Variants in INTS1 observed in about 807,000 individuals in gnomAD.
The protein encoded by INTS1 is integrator complex subunit 1.
Under a neutral mutation model 241.6 loss-of-function variants are expected in INTS1, and 137 were observed. The ratio of observed to expected loss-of-function variants is 0.57; its 90% CI spans 0.49 to 0.65. The LOEUF is 0.65. INTS1 is among the 30% of genes least tolerant of loss of function. The probability of loss-of-function intolerance (pLI) is 0.00; values close to 1 mark genes in which losing one functional copy is unlikely to be tolerated. For synonymous variants in INTS1, 1,692 were observed against 1,337.8 expected, an observed-to-expected ratio of 1.26 and a Z score of -5.78; for missense variants, 3,073 against 3,032.2, an observed-to-expected ratio of 1.01 and a Z score of -0.32.
Position 1,493,210 on chromosome 7 carries a change from G to T in INTS1, c.2069-104C>A. ...TCGGGCCGCGTCGGGGTGGGGTGGG[G>T]GATGCCGCAGGGTGGGGCGCAGGCC... On this transcript the variant is annotated intron_variant, in intron 15 of 47. Transcript: ENST00000404767. This position sits in a 1 kb window ranked among gnomAD's most constrained non-coding sequence, Gnocchi z 5.3. 1.2e-6 allele frequency: 1 copy of T among 819,654 alleles called. No individual in the cohort carries two copies. The highest frequency in any genetic ancestry group is 2.0e-6 in the Non-Finnish European group (1 of 502,210). The allele number at this position is 819,654 out of a possible 1,614,324, so 50.8% of individuals were successfully genotyped here.
intron 17 of INTS1, 26 bp downstream of exon 17, chr7:1,489,565 G>A (rs4425657): frequency 0.38 from 579,713 of 1,545,804 alleles, 113,066 homozygotes; most frequent in East Asian, 0.73. Flanking sequence ...CCACGTGTGC[G>A]CATGGGGCGG....
At chr7:1,500,467 T>C in intron 3 of INTS1, 101 bp from the exon 4 acceptor site, 1 of 1,315,108 alleles carries the variant, frequency 7.6e-7, no homozygotes, top group Admixed American at 2.7e-5. Flanking sequence ...GCTCTCAGGG[T>C]CGGCCCTGCC....
In INTS1 at chr7:1,477,600, C is replaced by A; in HGVS notation, c.4888G>T (p.Val1630Phe). 1 of 1,566,706 alleles carries A rather than the reference C, an allele frequency of 6.4e-7. No homozygotes were observed. The highest frequency in any genetic ancestry group is 1.9e-5 in the Admixed American group (1 of 52,952). ...DWLEMLDPEV[V>F]SSCPDLQLRL... is the part of the protein sequence containing the mutation. ...AGCTGCAGGTCGGGGCAGCTGCTGA[C>A]CACCTCGGGGTCCAGCATTTCCAGC... The change falls in exon 35 of 48, where the codon GTC becomes TTC. Residue 1630 changes from valine to phenylalanine, a missense_variant. Physicochemically the swap from Val to Phe is conservative, Grantham distance 50 (BLOSUM62 -1). Coordinates refer to ENST00000404767, the MANE Select transcript of INTS1 (RefSeq NM_001080453.3).
chr7:1,490,965 G>A (rs546977133), intron 16 of INTS1, among the ~76,000 whole-genome samples: 37 of 152,318 alleles, frequency 2.4e-4, no homozygotes, highest in Non-Finnish European at 3.8e-4. Context: ...ACAGGCCACC[G>A]ACAGGGCGCC....
chr7:1,503,391 G>C (rs1029355671), intron 2 of INTS1, among the ~76,000 whole-genome samples, 200 bp from the exon 3 acceptor site: 1 of 152,174 alleles, frequency 6.6e-6, no homozygotes, highest in South Asian at 2.1e-4. Flanking sequence ...GTCACGTAGC[G>C]CTAACCACAA....
chr7:1,492,884 GT>G, intron 16 of INTS1, 125 bp downstream of exon 16: 6 of 572,126 alleles, frequency 1.0e-5, no homozygotes, highest in East Asian at 3.1e-5. Context: ...CCGGGCGGGA[GT>G]GGGGAGCGGG....
At position 1,498,748 on chromosome 7, in the gene INTS1, G is replaced by C; in HGVS notation, c.1242C>G (p.Leu414=). 1 of 1,569,488 alleles carries C rather than the reference G, an allele frequency of 6.4e-7. No individual in the cohort carries two copies. The highest frequency in any genetic ancestry group is 1.2e-5 in the South Asian group (1 of 85,296). The change falls in exon 9 of 48, where the codon CTC becomes CTG. Residue 414 remains leucine, a synonymous_variant. Coordinates refer to ENST00000404767, the MANE Select transcript of INTS1 (RefSeq NM_001080453.3). The stretch of plus-strand genomic sequence containing the variant: ...AGTGGTTGAGGAGGACCTTGGGCTT[G>C]AGGCGGATCTTGATCAGGTGTGAGA... The part of the protein sequence containing the change: ...DVISHLIKIR[L]KPKVLLNHFM...
chr7:1,480,283 G>C (rs757393478), intron 30 of INTS1, 34 bp downstream of exon 30: 1 of 1,576,158 alleles, frequency 6.3e-7, no homozygotes, highest in Admixed American at 1.8e-5. Context: ...AAGAGGGGCT[G>C]CAGGTGGAGA....
Position 1,479,419 on chromosome 7 carries a change from C to G in INTS1, c.4329+11G>C, listed in dbSNP as rs751112293. On this transcript the variant is annotated intron_variant, in intron 31 of 47. Coordinates refer to ENST00000404767, the MANE Select transcript of INTS1 (RefSeq NM_001080453.3). Reference sequence around the variant, plus strand: ...GCCCTCCTCCCCCGCAAGAGGCCCACGCCCAAGTACCTGGTACTGGCAGAG... The same window carrying G: ...GCCCTCCTCCCCCGCAAGAGGCCCAGGCCCAAGTACCTGGTACTGGCAGAG... The G allele has an allele frequency of 2.6e-6, 4 of 1,566,468 alleles. No homozygotes were observed. The highest frequency in any genetic ancestry group is 3.5e-6 in the Non-Finnish European group (4 of 1,156,498).
At chr7:1,489,705 C>G in intron 16 of INTS1, 23 bp from the exon 17 acceptor site, 2 of 1,464,312 alleles carry the variant, frequency 1.4e-6, no homozygotes. Context: ...GGCGCCCCGA[C>G]TCAGGCCCAG....
At chr7:1,470,806 C>A (rs372260855) in intron 47 of INTS1, 40 bp downstream of exon 47, 35 of 1,520,228 alleles carry the variant, frequency 2.3e-5, no homozygotes, top group Non-Finnish European at 3.1e-5. Flanking sequence ...CCGGCCTCCC[C>A]GAGGGCTGCC....
rs887897237 is a variant in INTS1, at chr7:1,470,331, G to A, written c.*246C>T. On this transcript the variant is annotated 3_prime_UTR_variant, in exon 48 of 48. Transcript: ENST00000404767. ...GCCCAGGCCATGCCCGGGGGGATCC[G>A]CCGCTCCGCGGCAGGGCTGTGGCCC... The A allele has an allele frequency of 6.0e-5, 28 of 470,264 alleles. No homozygotes were observed. The highest frequency in any genetic ancestry group is 9.0e-5 in the Non-Finnish European group (24 of 267,664). The allele number at this position is 470,264 out of a possible 1,614,324, so 29.1% of individuals were successfully genotyped here.
In INTS1 at chr7:1,470,436, T is replaced by C; in HGVS notation, c.*141A>G. 2 of 618,342 alleles carry C rather than the reference T, an allele frequency of 3.2e-6. No individual in the cohort carries two copies. Among genetic ancestry groups the C allele is most frequent in the South Asian group, 4.4e-5 (2 of 45,932 alleles). The allele number at this position is 618,342 out of a possible 1,614,324, so 38.3% of individuals were successfully genotyped here. A position where few individuals can be genotyped will look rare whatever the true frequency, so the allele number is the denominator to read the frequency against. ...GCCACCCCAGGGCTCGGAGTATTGC[T>C]CCTGGGCCTGCCTGGCCTCAGGGCT... On this transcript the variant is annotated 3_prime_UTR_variant, in exon 48 of 48. Transcript: ENST00000404767.
At chr7:1,475,924 G>A in intron 39 of INTS1, 24 bp downstream of exon 39, 1 of 1,525,854 alleles carries the variant, frequency 6.6e-7, no homozygotes, top group South Asian at 1.2e-5. Flanking sequence ...ACGGCGGCGG[G>A]GAGCGGCAGA....
chr7:1,476,463 G>C lies in INTS1; in HGVS notation c.5152-8C>G. On this transcript the variant is annotated splice_region_variant and splice_polypyrimidine_tract_variant and intron_variant, in intron 37 of 47. Transcript: ENST00000404767. ...CAGCTCCTCCCGCCGCTTCTGTAAC[G>C]GGTGCCTGCATCAGCCCCGGAGCAC... is the stretch of plus-strand genomic sequence containing the variant. 6.6e-7 allele frequency: 1 copy of C among 1,518,338 alleles called. No homozygotes were observed. The highest frequency in any genetic ancestry group is 1.5e-5 in the African/African-American group (1 of 65,874). The allele number at this position is 1,518,338 out of a possible 1,614,324, so 94.1% of individuals were successfully genotyped here.
intron 42 of INTS1, 21 bp from the exon 43 acceptor site, chr7:1,473,205 C>T (rs781729248): frequency 1.3e-5 from 21 of 1,565,108 alleles, no homozygotes; most frequent in East Asian, 4.5e-5. Flanking sequence ...AAGATGCTTT[C>T]ACCTGGGAGG....
chr7:1,482,002 G>A (rs1482571676), intron 27 of INTS1, among the ~76,000 whole-genome samples: 2 of 152,264 alleles, frequency 1.3e-5, no homozygotes, highest in East Asian at 3.9e-4. Flanking sequence ...CTCTTGCCCC[G>A]AAGCCATCGG....
At position 1,485,245 on chromosome 7, in the gene INTS1, G is replaced by A. The variant is rs200601656; in HGVS notation, c.3157-43C>T. The A allele has an allele frequency of 2.3e-5, 37 of 1,597,058 alleles. No individual in the cohort carries two copies. In the East Asian group the frequency reaches 2.5e-4, roughly 11 times the overall value. On this transcript the variant is annotated intron_variant, in intron 23 of 47. Transcript: ENST00000404767. ...CTGAGCGGCAACAGGGCAGGGCTGC[G>A]GCCCTCTCATCTTTCCCTGCCGCGG...
rs73276002 is a variant in INTS1, at chr7:1,494,028, G to A, written c.1911-117C>T. On this transcript the variant is annotated intron_variant, in intron 14 of 47. Transcript: ENST00000404767. ...CACGGGCTGGTGGCAGAGGGCTGCT[G>A]CTGCCTCCCACGAGCCTATCCCCTC... The A allele has an allele frequency of 4.1e-3, 5,196 of 1,282,028 alleles. 106 individuals carry two copies. The African/African-American group carries it at 0.051, about 13-fold the overall frequency. 79.4% of individuals were successfully genotyped at this position (1,282,028 alleles called of 1,614,324 possible). A position where few individuals can be genotyped will look rare whatever the true frequency, so the allele number is the denominator to read the frequency against.
Sources: gnomAD v4.1 joint callset for allele counts (sites outside exome capture counted in the v4.1 genomes callset) on GRCh38, gnomAD v4.1.1 for gene constraint, Gnocchi (gnomAD v3.1) non-coding constraint, MANE v1.5 for transcripts, NCBI Gene and HGNC (gene_info 2026-07-23, HGNC 2026-07-21) for gene names.